Variants in SPATS2L observed in about 807,000 individuals in gnomAD.
SPATS2L encodes spermatogenesis associated serine rich 2 like, also known as SPATS2-like protein.
A neutral mutation model predicts 59.6 loss-of-function variants in SPATS2L; 30 were observed. The ratio of observed to expected loss-of-function variants is 0.50; its 90% confidence interval spans 0.38 to 0.68. The LOEUF (loss-of-function observed/expected upper bound fraction) is 0.68, where lower values mean the gene tolerates loss of function less well. SPATS2L is among the 30% of genes least tolerant of loss of function. The pLI is 0.00. For missense variants in SPATS2L, 615 were observed against 700.0 expected, an observed-to-expected ratio of 0.88 and a Z score of 1.37; for synonymous variants, 252 against 263.5, an observed-to-expected ratio of 0.96 and a Z score of 0.42.
chr2:200,388,079 G>A (rs2082048627), intron 2 of SPATS2L, among the ~76,000 whole-genome samples: 1 of 152,158 alleles, frequency 6.6e-6, no homozygotes, highest in African/African-American at 2.4e-5. Context: ...TTTGAAAATG[G>A]AGATTATGAA....
intron 1 of SPATS2L, chr2:200,309,115 A>T (rs1345517902): frequency 2.8e-6 from 2 of 717,820 alleles, no homozygotes; most frequent in Admixed American, 4.0e-5. Context: ...TTTACATCAG[A>T]AGTTAAGCTT....
chr2:200,342,489 C>G (rs1260268456), intron 2 of SPATS2L, among the ~76,000 whole-genome samples: 2 of 152,260 alleles, frequency 1.3e-5, no homozygotes, highest in Non-Finnish European at 2.9e-5. Flanking sequence ...GGCCTGCCTT[C>G]CCTGCTGTGC....
chr2:200,380,270 C>G (rs1490575930), intron 2 of SPATS2L, among the ~76,000 whole-genome samples: 1 of 152,166 alleles, frequency 6.6e-6, no homozygotes, highest in Non-Finnish European at 1.5e-5. Context: ...AATGGTTAAT[C>G]TTCATTCATA....
In SPATS2L at chr2:200,467,340, A is replaced by G. The variant is rs765666270; in HGVS notation, c.898A>G (p.Thr300Ala). Residue 300 changes from threonine (T) to alanine (A), a missense_variant, in exon 10 of 13, where the codon ACT (threonine) becomes GCT (alanine). Around this residue, in one of 3 missense-constraint regions of SPATS2L, gnomAD observed 104 missense variants for 162.5 expected, o/e 0.64. Coordinates refer to ENST00000409140, the MANE Select transcript of SPATS2L (RefSeq NM_001100423.2). ...QKKAEELKRL[T>A]DLASQMAEMQ... ...GAAAGCAGAAGAACTAAAGAGACTC[A>G]CTGACCTTGCCAGTCAGATGGCAGA... 5.0e-6 allele frequency: 8 copies of G among 1,614,060 alleles called. No individual in the cohort carries two copies. Among genetic ancestry groups the G allele is most frequent in the Admixed American group, 1.7e-5 (1 of 60,034 alleles).
At chr2:200,415,178 G>A (rs536798993) in intron 4 of SPATS2L, among the ~76,000 whole-genome samples, 8 of 152,124 alleles carry the variant, frequency 5.3e-5, no homozygotes, top group Admixed American at 5.2e-4. Flanking sequence ...TTACTTTTAG[G>A]TGCAGTCTTA....
At chr2:200,343,269 A>G (rs1471227608) in intron 2 of SPATS2L, among the ~76,000 whole-genome samples, 1 of 152,236 alleles carries the variant, frequency 6.6e-6, no homozygotes, top group East Asian at 1.9e-4. Flanking sequence ...TCAGGTCCCA[A>G]AGAAAGAGCC....
rs1402171747 is a variant in SPATS2L at position 200,444,332 on chromosome 2, G to A, written c.788+3548G>A. ...AACATTAAATTCAAAAAAACATTGA[G>A]GAAGGAGAATAATACTTGATAGTTC... On this transcript the variant is annotated intron_variant, in intron 8 of 12. Transcript: ENST00000409140. Among the ~76,000 whole-genome samples the A allele has an allele frequency of 2.6e-5, 4 of 152,286 alleles. No homozygotes were observed. The East Asian group carries it at 7.7e-4, about 29-fold the overall frequency.
In SPATS2L at chr2:200,480,695, TG is replaced by T. The variant is rs909775317; in HGVS notation, c.*2667del. 9 of 152,244 alleles carry T rather than the reference TG, an allele frequency of 5.9e-5. No homozygotes were observed. The highest frequency in any genetic ancestry group is 2.2e-4 in the African/African-American group (9 of 41,464). The allele number at this position is 152,244 out of a possible 1,614,324, so 9.4% of individuals were successfully genotyped here. A position where few individuals can be genotyped will look rare whatever the true frequency, so the allele number is the denominator to read the frequency against. On this transcript the variant is annotated 3_prime_UTR_variant, in exon 13 of 13. Coordinates refer to ENST00000409140, the MANE Select transcript of SPATS2L (RefSeq NM_001100423.2). ...TGGTTTTTGCCTTTCTTATAGACCCTGGGCATGTAAGCATTTATTAGTTTGC... is the reference window on the plus strand; with the variant it reads ...TGGTTTTTGCCTTTCTTATAGACCCTGGCATGTAAGCATTTATTAGTTTGC...
At chr2:200,435,809 A>G (rs761868779) in intron 6 of SPATS2L, among the ~76,000 whole-genome samples, 18 of 152,194 alleles carry the variant, frequency 1.2e-4, no homozygotes, top group Non-Finnish European at 2.5e-4. Flanking sequence ...TTTAACACAT[A>G]GTATGTATAT....
Position 200,472,829 on chromosome 2 carries a change from C to T in SPATS2L, c.1061-3C>T. ...CGTAACACTGAGCACTTTATTATTG[C>T]AGTTACACATCCAAAGAACAACTAT... On this transcript the variant is annotated splice_region_variant and splice_polypyrimidine_tract_variant and intron_variant, in intron 11 of 12. Transcript: ENST00000409140. The T allele has an allele frequency of 6.2e-7, 1 of 1,613,432 alleles. No individual in the cohort carries two copies. Among genetic ancestry groups the T allele is most frequent in the Middle Eastern group, 1.7e-4 (1 of 6,050 alleles).
At chr2:200,429,673 A>G (rs2083792463) in intron 6 of SPATS2L, among the ~76,000 whole-genome samples, 1 of 152,208 alleles carries the variant, frequency 6.6e-6, no homozygotes, top group Admixed American at 6.5e-5. Context: ...ATAGAGATCC[A>G]GAACCCCAAA....
intron 5 of SPATS2L, among the ~76,000 whole-genome samples, chr2:200,417,843 C>G (rs2106005577): frequency 6.6e-6 from 1 of 152,338 alleles, no homozygotes; most frequent in South Asian, 2.1e-4. Flanking sequence ...TGATGTTCAG[C>G]TGGCACGCAC....
At chr2:200,306,354 G>A, upstream of SPATS2L, 1 of 1,002,388 alleles carries the variant, frequency 1.0e-6, no homozygotes, top group Non-Finnish European at 1.2e-6. Context: ...CATTAACAAG[G>A]GGAGTTTCGG....
At chr2:200,346,879 C>T (rs1479193100) in intron 2 of SPATS2L, among the ~76,000 whole-genome samples, 3 of 151,916 alleles carry the variant, frequency 2.0e-5, no homozygotes, top group Non-Finnish European at 4.4e-5. Context: ...GGATTTTTAA[C>T]AACACTTTTT....
rs1447861154 is a variant in SPATS2L at position 200,437,420 on chromosome 2, G to A, written c.446-1702G>A. On this transcript the variant is annotated intron_variant, in intron 6 of 12. Coordinates refer to ENST00000409140, the MANE Select transcript of SPATS2L (RefSeq NM_001100423.2). ...CCACTCCAACAGAATCACCTGGGGA[G>A]GAGAAGCCTGGGCCCACAGCTGAAC... Among the ~76,000 whole-genome samples the A allele has an allele frequency of 1.3e-5, 2 of 152,166 alleles. 1 individual carries two copies. Among genetic ancestry groups the A allele is most frequent in the Non-Finnish European group, 2.9e-5 (2 of 68,030 alleles).
At position 200,479,091 on chromosome 2, in the gene SPATS2L, C is replaced by T. The variant is rs2087718733; in HGVS notation, c.*1060C>T. On this transcript the variant is annotated 3_prime_UTR_variant, in exon 13 of 13. Transcript: ENST00000409140. ...CTAATTTTTATATTATTAGTACAGA[C>T]AGGATTTCACCATGTTGTCCAGGCT... 6.6e-6 allele frequency: 1 copy of T among 152,448 alleles called. No individual in the cohort carries two copies. Among genetic ancestry groups the T allele is most frequent in the African/African-American group, 2.4e-5 (1 of 41,426 alleles). 9.4% of individuals were successfully genotyped at this position (152,448 alleles called of 1,614,324 possible). A position where few individuals can be genotyped will look rare whatever the true frequency, so the allele number is the denominator to read the frequency against.
At chr2:200,460,336 T>A (rs973101612) in intron 9 of SPATS2L, among the ~76,000 whole-genome samples, 4 of 152,218 alleles carry the variant, frequency 2.6e-5, no homozygotes, top group African/African-American at 9.7e-5. Context: ...CATTTTTAAT[T>A]ACATATATAA....
chr2:200,431,410 G>T (rs544191669), intron 6 of SPATS2L, among the ~76,000 whole-genome samples: 6 of 152,072 alleles, frequency 3.9e-5, no homozygotes, highest in Admixed American at 1.3e-4. Flanking sequence ...AAGTAACATA[G>T]ACATTAGCAA....
intron 8 of SPATS2L, among the ~76,000 whole-genome samples, chr2:200,446,114 G>C (rs1344475371): frequency 1.3e-5 from 2 of 152,142 alleles, no homozygotes; most frequent in Non-Finnish European, 2.9e-5. Context: ...CGAGGCAGGA[G>C]GATTGCTTGA....
Sources: allele counts gnomAD v4.1 joint callset (sites outside exome capture counted in the v4.1 genomes callset), GRCh38; gene constraint gnomAD v4.1.1; regional missense constraint gnomAD v4.1.1; transcripts MANE v1.5; gene names NCBI Gene and HGNC (gene_info 2026-07-23, HGNC 2026-07-21).